The following VTA1 variants were observed in gnomAD, a reference collection of about 807,000 sequenced individuals.
VTA1 encodes vesicle trafficking 1.
In VTA1, 24 loss-of-function variants were observed where a neutral mutation model predicts 36.9. The ratio of observed to expected loss-of-function variants is 0.65; its 90% confidence interval spans 0.47 to 0.91. VTA1 has a LOEUF of 0.91. Among genes scored for constraint, VTA1 ranks in the 40% least tolerant of loss-of-function variants. The probability of loss-of-function intolerance (pLI) is 0.00; values close to 1 mark genes in which losing one functional copy is unlikely to be tolerated. For synonymous variants in VTA1, 142 were observed against 130.2 expected (o/e 1.09, Z -0.62); for missense variants, 393 against 377.2 (o/e 1.04, Z -0.35).
rs1292070375 is a variant in VTA1 at position 142,169,531 on chromosome 6, G to A, written c.208-19G>A. 8 of 1,605,362 alleles carry A rather than the reference G, an allele frequency of 5.0e-6. No homozygotes were observed. Among genetic ancestry groups the A allele is most frequent in the East Asian group, 2.3e-5 (1 of 44,344 alleles). On this transcript the variant is annotated intron_variant, in intron 2 of 7. Coordinates refer to ENST00000367630, the MANE Select transcript of VTA1 (RefSeq NM_016485.5). Reference sequence around the variant, plus strand: ...CTGAGAGTCCAAAATCATAAGCTATGTATCTGATTTTATTTTAGCTAAAGA... The same window carrying A: ...CTGAGAGTCCAAAATCATAAGCTATATATCTGATTTTATTTTAGCTAAAGA...
intron 7 of VTA1, among the ~76,000 whole-genome samples, chr6:142,207,496 A>T (rs1007055851): frequency 2.0e-5 from 3 of 152,160 alleles, no homozygotes; most frequent in African/African-American, 7.2e-5. Context: ...CTGTAGGCAC[A>T]AACCCCTACC....
chr6:142,177,226 T>A (rs148281953), intron 4 of VTA1, among the ~76,000 whole-genome samples: 11 of 152,306 alleles, frequency 7.2e-5, no homozygotes, highest in African/African-American at 2.4e-4. Flanking sequence ...GAACAATGTC[T>A]TACACCTAAT....
intron 1 of VTA1, among the ~76,000 whole-genome samples, chr6:142,159,817 T>G (rs956057113): frequency 2.6e-5 from 4 of 152,006 alleles, no homozygotes; most frequent in African/African-American, 9.7e-5. Context: ...CCGGCCGATA[T>G]ATATTTTACC....
In VTA1 at chr6:142,151,188, G is replaced by A. The variant is rs148078683; in HGVS notation, c.112+3789G>A. Among the ~76,000 whole-genome samples, 224 of 152,316 alleles carry A rather than the reference G, an allele frequency of 1.5e-3. 4 individuals are homozygous for A. Among genetic ancestry groups the A allele is most frequent in the Non-Finnish European group, 9.1e-4 (62 of 68,018 alleles). ...AGGAACAGTTTGGGGCCAAGGTCAT[G>A]AGCAAGATGATGTGAGGAAGATTAG... On this transcript the variant is annotated intron_variant, in intron 1 of 7. Coordinates refer to ENST00000367630, the MANE Select transcript of VTA1 (RefSeq NM_016485.5).
chr6:142,182,965 G>C (rs1164352019), intron 4 of VTA1, among the ~76,000 whole-genome samples: 1 of 152,138 alleles, frequency 6.6e-6, no homozygotes, highest in East Asian at 1.9e-4. Flanking sequence ...AAAAGGACAA[G>C]TATAAAAGGA....
At chr6:142,169,066 G>T (rs557338335) in intron 2 of VTA1, among the ~76,000 whole-genome samples, 47 of 152,108 alleles carry the variant, frequency 3.1e-4, no homozygotes, top group African/African-American at 8.0e-4. Context: ...ACTGTGCCCG[G>T]CCGAGAGATA....
chr6:142,174,121 C>A (rs1253125537), intron 4 of VTA1, among the ~76,000 whole-genome samples: 1 of 152,178 alleles, frequency 6.6e-6, no homozygotes, highest in East Asian at 1.9e-4. Flanking sequence ...GGACTGCCAC[C>A]ACCCAGACCT....
chr6:142,149,322 A>G (rs1778520374), intron 1 of VTA1, among the ~76,000 whole-genome samples: 1 of 152,230 alleles, frequency 6.6e-6, no homozygotes, highest in Admixed American at 6.5e-5. Flanking sequence ...GTTATGAAAC[A>G]TGTACATATA....
intron 4 of VTA1, among the ~76,000 whole-genome samples, chr6:142,187,966 G>A (rs1345129847): frequency 2.7e-5 from 4 of 146,296 alleles, no homozygotes; most frequent in Admixed American, 2.1e-4. Flanking sequence ...CTGGTGCAGT[G>A]GCGCAGTCTT....
intron 4 of VTA1, among the ~76,000 whole-genome samples, chr6:142,179,423 G>T (rs1262123388): frequency 6.6e-6 from 1 of 152,102 alleles, no homozygotes; most frequent in Non-Finnish European, 1.5e-5. Context: ...GTTGAGGAGT[G>T]CTTATGGGAA....
At chr6:142,207,287 G>A (rs902701079) in intron 7 of VTA1, among the ~76,000 whole-genome samples, 1 of 152,048 alleles carries the variant, frequency 6.6e-6, no homozygotes. Flanking sequence ...CACCTCCTTG[G>A]GTTCCCTGGC....
At chr6:142,188,178 GGAT>G (rs1775381695) in intron 4 of VTA1, among the ~76,000 whole-genome samples, 1 of 148,648 alleles carries the variant, frequency 6.7e-6, no homozygotes, top group Non-Finnish European at 1.5e-5. Flanking sequence ...CAAAGTGCTA[GGAT>G]TACAGGCATG....
intron 5 of VTA1, among the ~76,000 whole-genome samples, chr6:142,192,702 TTGTGTGTGTGTGTGTG>T (rs35330800): frequency 6.7e-6 from 1 of 149,236 alleles, no homozygotes; most frequent in Admixed American, 6.7e-5. Flanking sequence ...TTTTATATAT[TTGTGTGTGTGTGTGTG>T]TGTGTGTGTG....
In VTA1 at chr6:142,170,407, G is replaced by C. The variant is rs776360893; in HGVS notation, c.397G>C (p.Glu133Gln). 1.7e-5 allele frequency: 27 copies of C among 1,600,150 alleles called. No homozygotes were observed. The South Asian group carries it at 2.9e-4, about 17-fold the overall frequency. Residue 133 changes from glutamate to glutamine, a missense_variant, in exon 4 of 8, where the codon GAA becomes CAA. By Grantham distance (29) the Glu-to-Gln change is conservative (BLOSUM62 2). Coordinates refer to ENST00000367630, the MANE Select transcript of VTA1 (RefSeq NM_016485.5). ...LLIDVITVFG[E>Q]LTDENVKHRK... Reference sequence around the variant, plus strand: ...GATAGATGTCATAACAGTATTTGGAGAACTCACTGATGAAGTGAGTGTACA... The same window carrying C: ...GATAGATGTCATAACAGTATTTGGACAACTCACTGATGAAGTGAGTGTACA...
chr6:142,157,661 T>G (rs2114632600), intron 1 of VTA1, among the ~76,000 whole-genome samples: 1 of 152,280 alleles, frequency 6.6e-6, no homozygotes, highest in Admixed American at 6.5e-5. Flanking sequence ...GTTTGTCTTC[T>G]ATGACAATTA....
intron 5 of VTA1, among the ~76,000 whole-genome samples, chr6:142,197,366 A>G (rs1432566222): frequency 1.3e-5 from 2 of 152,192 alleles, no homozygotes; most frequent in Non-Finnish European, 2.9e-5. Flanking sequence ...ATGTGGTAGG[A>G]AGCAGTAAGA....
intron 1 of VTA1, among the ~76,000 whole-genome samples, chr6:142,154,141 T>G (rs1464445083): frequency 1.3e-5 from 2 of 151,848 alleles, no homozygotes; most frequent in African/African-American, 2.4e-5. Context: ...TTTATTAATA[T>G]AACCTGCCTT....
rs181275337 is a variant in VTA1 at position 142,220,511 on chromosome 6, C to A, written c.*1868C>A. On this transcript the variant is annotated 3_prime_UTR_variant, in exon 8 of 8. Transcript: ENST00000367630. ...ACACCACTAGCCATCTCAATAGTTACAAGAATTAAAAGAGATACAGTACCT... is the reference window on the plus strand; with the variant it reads ...ACACCACTAGCCATCTCAATAGTTAAAAGAATTAAAAGAGATACAGTACCT... 6.6e-6 allele frequency: 1 copy of A among 152,078 alleles called. No individual in the cohort carries two copies. Among genetic ancestry groups the A allele is most frequent in the African/African-American group, 2.4e-5 (1 of 41,392 alleles). 9.4% of individuals were successfully genotyped at this position (152,078 alleles called of 1,614,324 possible).
chr6:142,188,910 T>A (rs558490644), intron 4 of VTA1, among the ~76,000 whole-genome samples: 16 of 152,328 alleles, frequency 1.1e-4, no homozygotes, highest in Admixed American at 9.1e-4. Flanking sequence ...TAACTGAGGT[T>A]CAGAGCTGTT....
Sources: gnomAD v4.1 joint callset for allele counts (sites outside exome capture counted in the v4.1 genomes callset) on GRCh38, gnomAD v4.1.1 for gene constraint, MANE v1.5 for transcripts, NCBI Gene and HGNC (gene_info 2026-07-23, HGNC 2026-07-21) for gene names.